The following MYO1D variants were observed in gnomAD, a reference collection of about 807,000 sequenced individuals.
MYO1D encodes the protein myosin ID, also known as unconventional myosin-Id.
Under a neutral mutation model 122.0 loss-of-function variants are expected in MYO1D, and 83 were observed. The ratio of observed to expected loss-of-function variants is 0.68; its 90% confidence interval spans 0.57 to 0.82. The LOEUF (loss-of-function observed/expected upper bound fraction) is 0.82, where lower values mean the gene tolerates loss of function less well. MYO1D is among the 40% of genes least tolerant of loss of function. The probability of loss-of-function intolerance (pLI) is 0.00; values close to 1 mark genes in which losing one functional copy is unlikely to be tolerated. For missense variants in MYO1D, 1,157 were observed against 1,269.5 expected (o/e 0.91, Z 1.35); for synonymous variants, 464 against 446.9 (o/e 1.04, Z -0.48).
chr17:32,673,894 T>A (rs1409968798), intron 16 of MYO1D, among the ~76,000 whole-genome samples: 2 of 152,236 alleles, frequency 1.3e-5, no homozygotes, highest in African/African-American at 4.8e-5. Context: ...TACAAAATAC[T>A]GGTGTTTGGA....
chr17:32,701,151 G>A (rs2089243856), intron 16 of MYO1D, among the ~76,000 whole-genome samples: 1 of 151,956 alleles, frequency 6.6e-6, no homozygotes, highest in South Asian at 2.1e-4. Flanking sequence ...AGACTACTTC[G>A]TTCAATTCTG....
chr17:32,858,174 T>G (rs1484448321), intron 1 of MYO1D, among the ~76,000 whole-genome samples: 2 of 152,204 alleles, frequency 1.3e-5, no homozygotes, highest in African/African-American at 4.8e-5. Context: ...TGAGTGAACC[T>G]TTAACTCCAG....
intron 14 of MYO1D, among the ~76,000 whole-genome samples, chr17:32,723,037 A>T (rs2089530392): frequency 6.6e-6 from 1 of 152,174 alleles, no homozygotes; most frequent in Admixed American, 6.5e-5. Context: ...CGCTGATAAA[A>T]CAAAAAAAAC....
chr17:32,549,056 A>G (rs1487401301), intron 21 of MYO1D, among the ~76,000 whole-genome samples: 1 of 152,128 alleles, frequency 6.6e-6, no homozygotes, highest in Non-Finnish European at 1.5e-5. Context: ...ACATACATTT[A>G]CACTGAAAAA....
Position 32,748,963 on chromosome 17 carries a change from C to A in MYO1D, c.1511G>T (p.Arg504Leu), listed in dbSNP as rs140286436. 2 of 1,613,738 alleles carry A rather than the reference C, an allele frequency of 1.2e-6. No individual in the cohort carries two copies. Among genetic ancestry groups the A allele is most frequent in the East Asian group, 2.2e-5 (1 of 44,868 alleles). The change falls in exon 12 of 22, where the codon CGA becomes CTA. Residue 504 changes from arginine to leucine, a missense_variant. Arg to Leu is a moderately radical substitution (Grantham distance 102). Transcript: ENST00000318217. ...DKILEFDRDF[R>L]IRHYAGDVVY... Reference sequence around the variant, plus strand: ...TACATCGCCTGCATAATGTCGAATTCGAAAATCTCGATCAAACTCCAGAAT... The same window carrying A: ...TACATCGCCTGCATAATGTCGAATTAGAAAATCTCGATCAAACTCCAGAAT...
chr17:32,760,794 A>C (rs1275043075), intron 8 of MYO1D, among the ~76,000 whole-genome samples, 167 bp from the exon 9 acceptor site: 2 of 152,196 alleles, frequency 1.3e-5, no homozygotes, highest in East Asian at 3.8e-4. Flanking sequence ...AAAAAACCCA[A>C]ACTACCTGAT....
At chr17:32,656,830 A>G (rs1465066572) in intron 17 of MYO1D, among the ~76,000 whole-genome samples, 1 of 152,180 alleles carries the variant, frequency 6.6e-6, no homozygotes, top group Non-Finnish European at 1.5e-5. Context: ...TCAGCCCTTG[A>G]TCTCCAAATT....
Position 32,780,594 on chromosome 17 carries a change from T to C in MYO1D, c.286A>G (p.Thr96Ala). 2 of 1,614,092 alleles carry C rather than the reference T, an allele frequency of 1.2e-6. 1 individual carries two copies. Among genetic ancestry groups the C allele is most frequent in the Non-Finnish European group, 1.7e-6 (2 of 1,180,024 alleles). ...YKAMKRRSKD[T>A]CIVISGESGA... ...CAATTACCTGATATCACAATACAAG[T>C]GTCTTTTGATCGCCTCTTCATAGCC... is the stretch of plus-strand genomic sequence containing the variant. The change falls in exon 2 of 22, where the codon ACT becomes GCT. Residue 96 changes from threonine (T) to alanine (A), a missense_variant. Transcript: ENST00000318217.
At chr17:32,729,207 A>C (rs1264159357) in intron 14 of MYO1D, among the ~76,000 whole-genome samples, 1 of 152,198 alleles carries the variant, frequency 6.6e-6, no homozygotes, top group Non-Finnish European at 1.5e-5. Context: ...AAAGTACACC[A>C]ATCAGTATAT....
chr17:32,582,254 T>C (rs1222034617), intron 21 of MYO1D, among the ~76,000 whole-genome samples: 2 of 152,202 alleles, frequency 1.3e-5, no homozygotes, highest in African/African-American at 4.8e-5. Flanking sequence ...GGGCATTGAT[T>C]TGAGACTTTT....
chr17:32,601,925 A>G, intron 21 of MYO1D, among the ~76,000 whole-genome samples: 1 of 152,230 alleles, frequency 6.6e-6, no homozygotes, highest in East Asian at 1.9e-4. Flanking sequence ...TGGATTGAAT[A>G]AAGACTGCAG....
At position 32,543,256 on chromosome 17, in the gene MYO1D, T is replaced by G. The variant is rs113745197; in HGVS notation, c.2865-48341A>C. Among the ~76,000 whole-genome samples, 41 of 147,918 alleles carry G rather than the reference T, an allele frequency of 2.8e-4. 1 individual carries two copies. The highest frequency in any genetic ancestry group is 1.0e-3 in the African/African-American group (40 of 39,990). ...AAAATGAATAAATAAACAAATTACA[T>G]ATCTGATTATTTGGTGAGTCATTTA... On this transcript the variant is annotated intron_variant, in intron 21 of 21. Transcript: ENST00000318217.
intron 21 of MYO1D, among the ~76,000 whole-genome samples, chr17:32,573,170 G>A (rs949818281): frequency 2.0e-5 from 3 of 152,258 alleles, no homozygotes; most frequent in South Asian, 2.1e-4. Flanking sequence ...ATCAAAGAAT[G>A]TTTTATTTCT....
rs761179702 is a variant in MYO1D, at chr17:32,860,261, C to T, written c.95+16517G>A. Among the ~76,000 whole-genome samples, 60 of 152,328 alleles carry T rather than the reference C, an allele frequency of 3.9e-4. 1 individual carries two copies. Among genetic ancestry groups the T allele is most frequent in the South Asian group, 2.1e-4 (1 of 4,830 alleles). On this transcript the variant is annotated intron_variant, in intron 1 of 21. Coordinates refer to ENST00000318217, the MANE Select transcript of MYO1D (RefSeq NM_015194.3). Reference sequence around the variant, plus strand: ...TGGCCAGAACCTCTCTTATCATTAGCCTTCTTGTTGTGTGAGATAACATGT... The same window carrying T: ...TGGCCAGAACCTCTCTTATCATTAGTCTTCTTGTTGTGTGAGATAACATGT...
At chr17:32,745,340 T>C (rs2089824051) in intron 12 of MYO1D, 55 bp from the exon 13 acceptor site, 1 of 1,208,140 alleles carries the variant, frequency 8.3e-7, no homozygotes, top group African/African-American at 1.5e-5. Context: ...AGAGCCACAT[T>C]TAAGTTTTTC....
At chr17:32,583,057 T>G (rs1037904907) in intron 21 of MYO1D, among the ~76,000 whole-genome samples, 1 of 152,246 alleles carries the variant, frequency 6.6e-6, no homozygotes, top group Non-Finnish European at 1.5e-5. Flanking sequence ...TAACATCTCT[T>G]GTACTGTGAG....
chr17:32,876,676 A>T, intron 1 of MYO1D, 102 bp downstream of exon 1: 4 of 940,970 alleles, frequency 4.3e-6, no homozygotes, highest in South Asian at 1.8e-5. Flanking sequence ...CCATCCCTGG[A>T]GCTTGGGCGC....
chr17:32,850,330 A>C (rs1462780095), intron 1 of MYO1D, among the ~76,000 whole-genome samples: 1 of 152,202 alleles, frequency 6.6e-6, no homozygotes, highest in African/African-American at 2.4e-5. Context: ...AAAAATAACA[A>C]TTATCCACTG....
intron 1 of MYO1D, among the ~76,000 whole-genome samples, chr17:32,787,387 C>T (rs1012331445): frequency 6.6e-6 from 1 of 151,172 alleles, no homozygotes; most frequent in African/African-American, 2.4e-5. Flanking sequence ...CACTTGTCAC[C>T]CAAGCAGCAG....
Sources: allele counts gnomAD v4.1 joint callset (sites outside exome capture counted in the v4.1 genomes callset), GRCh38; gene constraint gnomAD v4.1.1; transcripts MANE v1.5; gene names NCBI Gene and HGNC (gene_info 2026-07-23, HGNC 2026-07-21).